The following ANKRD36B variants were observed in gnomAD, a reference collection of about 807,000 sequenced individuals.
ANKRD36B encodes ankyrin repeat domain-containing protein 36B.
A neutral mutation model predicts 135.7 loss-of-function variants in ANKRD36B; 37 were observed. The observed-to-expected ratio is 0.27, with a 90% CI of 0.21 to 0.36. The LOEUF is 0.36. Among genes scored for constraint, ANKRD36B ranks in the 10% least tolerant of loss-of-function variants. The pLI is 1.00. For missense variants in ANKRD36B, 549 were observed against 1,037.1 expected (o/e 0.53, Z 6.46); for synonymous variants, 179 against 348.1 (o/e 0.51, Z 5.41).
In ANKRD36B at chr2:97,549,425, T is replaced by A; in HGVS notation, c.1471A>T (p.Arg491Trp). ...AATCTGTTTTCAAAATTACCTGTCCTAGATTTTTCTCCATCCTTTTTTTCT... is the reference window on the plus strand; with the variant it reads ...AATCTGTTTTCAAAATTACCTGTCCAAGATTTTTCTCCATCCTTTTTTTCT... ...AREKKDGEKS[R>W]TVSFEQPPGL... Residue 491 changes from arginine to tryptophan, a missense_variant, in exon 20 of 44, where the codon AGG becomes TGG. Physicochemically the swap from Arg to Trp is moderately radical, Grantham distance 101. Coordinates refer to ENST00000359901, the MANE Select transcript of ANKRD36B (RefSeq NM_001393939.1). 6.4e-7 allele frequency: 1 copy of A among 1,563,540 alleles called. No individual in the cohort carries two copies. Among genetic ancestry groups the A allele is most frequent in the Non-Finnish European group, 8.7e-7 (1 of 1,154,526 alleles).
At chr2:97,578,871 T>A in intron 5 of ANKRD36B, 35 bp downstream of exon 5, 1 of 1,598,178 alleles carries the variant, frequency 6.3e-7, no homozygotes, top group Non-Finnish European at 8.5e-7. Flanking sequence ...AAACTTCAAT[T>A]TAGTGTTCAT....
chr2:97,580,087 C>T (rs1201836809), intron 4 of ANKRD36B, among the ~76,000 whole-genome samples: 2 of 152,214 alleles, frequency 1.3e-5, no homozygotes, highest in Non-Finnish European at 2.9e-5. Context: ...AAATGAAAAA[C>T]TAACATGAAA....
At chr2:97,573,097 TG>T (rs1317528884) in intron 6 of ANKRD36B, among the ~76,000 whole-genome samples, 3 of 151,938 alleles carry the variant, frequency 2.0e-5, no homozygotes, top group Admixed American at 2.0e-4. Flanking sequence ...CGGTGGGTGA[TG>T]TTCCCCTTCC....
At chr2:97,556,341 G>A (rs970000247) in intron 12 of ANKRD36B, among the ~76,000 whole-genome samples, 4 of 151,982 alleles carry the variant, frequency 2.6e-5, no homozygotes, top group Admixed American at 2.0e-4. Context: ...AGTCATCGGA[G>A]CAGTCAGAAA....
Position 97,536,191 on chromosome 2 carries a change from C to A in ANKRD36B, c.2191+109G>T. The A allele has an allele frequency of 6.4e-6, 3 of 466,884 alleles. 1 individual carries two copies. Among genetic ancestry groups the A allele is most frequent in the Non-Finnish European group, 1.2e-5 (3 of 253,798 alleles). 28.9% of individuals were successfully genotyped at this position (466,884 alleles called of 1,614,324 possible). On this transcript the variant is annotated intron_variant, in intron 34 of 43. Transcript: ENST00000359901. ...AACAGCTGCATTATTTAGATGAAAT[C>A]CTGAAATAAAATATAAAAAGTGAAA...
chr2:97,561,613 A>G (rs1397706047), intron 6 of ANKRD36B, among the ~76,000 whole-genome samples: 12 of 151,952 alleles, frequency 7.9e-5, no homozygotes, highest in African/African-American at 2.7e-4. Flanking sequence ...AGCATTAGAT[A>G]TGAATAAGCT....
rs983181018 is a variant in ANKRD36B at position 97,523,878 on chromosome 2, G to C, written c.2266-411C>G. On this transcript the variant is annotated intron_variant, in intron 35 of 43. Transcript: ENST00000359901. ...AAATAATTGGTGAAGAGAAAAACCA[G>C]AGTAGCAGCAAGTGACCCTCTAAGT... The C allele has an allele frequency of 3.0e-5, 2 of 65,876 alleles. 1 individual carries two copies. The highest frequency in any genetic ancestry group is 8.8e-5 in the African/African-American group (2 of 22,620). 4.1% of individuals were successfully genotyped at this position (65,876 alleles called of 1,614,324 possible). A position where few individuals can be genotyped will look rare whatever the true frequency, so the allele number is the denominator to read the frequency against.
rs531743055 is a variant in ANKRD36B, at chr2:97,559,469, G to T, written c.866-475C>A. ...AATTACGATGACAATTCAGTTAAATGTACACTTCACGTCTCTTCGGTGGAA... is the reference window on the plus strand; with the variant it reads ...AATTACGATGACAATTCAGTTAAATTTACACTTCACGTCTCTTCGGTGGAA... On this transcript the variant is annotated intron_variant, in intron 8 of 43. Coordinates refer to ENST00000359901, the MANE Select transcript of ANKRD36B (RefSeq NM_001393939.1). 3.3e-5 allele frequency among the ~76,000 whole-genome samples: 5 copies of T among 151,906 alleles called. No individual in the cohort carries two copies. The South Asian group carries it at 1.0e-3, about 31-fold the overall frequency.
At chr2:97,528,443 A>G (rs1365618566) in intron 35 of ANKRD36B, among the ~76,000 whole-genome samples, 1 of 94,238 alleles carries the variant, frequency 1.1e-5, no homozygotes, top group Non-Finnish European at 2.8e-5. Flanking sequence ...TGCCCACAAG[A>G]GAAAGCAGGA....
chr2:97,549,320 A>G lies in ANKRD36B; in HGVS notation c.1477+99T>C, dbSNP rs180996758. The G allele has an allele frequency of 2.3e-5, 32 of 1,378,670 alleles. No individual in the cohort carries two copies. The East Asian group carries it at 6.5e-4, about 28-fold the overall frequency. The allele number at this position is 1,378,670 out of a possible 1,614,324, so 85.4% of individuals were successfully genotyped here. A position where few individuals can be genotyped will look rare whatever the true frequency, so the allele number is the denominator to read the frequency against. On this transcript the variant is annotated intron_variant, in intron 20 of 43. Coordinates refer to ENST00000359901, the MANE Select transcript of ANKRD36B (RefSeq NM_001393939.1). ...AAGAATCTCTGGCCTGCTGAATCAG[A>G]AAGTGCAGCTTCGACGAGCCCCCCG...
chr2:97,560,570 G>A, intron 8 of ANKRD36B, 95 bp downstream of exon 8: 1 of 1,536,790 alleles, frequency 6.5e-7, no homozygotes, highest in Non-Finnish European at 8.8e-7. Flanking sequence ...ATCAGAACGT[G>A]CAGCTTATAT....
intron 16 of ANKRD36B, 31 bp from the exon 17 acceptor site, chr2:97,551,511 A>C: frequency 6.2e-7 from 1 of 1,606,936 alleles, no homozygotes; most frequent in Non-Finnish European, 8.5e-7. Flanking sequence ...ATAATCACTC[A>C]TATGTAACTA....
intron 36 of ANKRD36B, among the ~76,000 whole-genome samples, chr2:97,516,214 AC>A (rs1281295425): frequency 3.3e-5 from 2 of 61,494 alleles, no homozygotes; most frequent in East Asian, 3.1e-4. Flanking sequence ...AAAAAAAAAA[AC>A]ATAGTTATGT....
chr2:97,582,976 A>G (rs2082722923), intron 3 of ANKRD36B, among the ~76,000 whole-genome samples: 3 of 152,100 alleles, frequency 2.0e-5, no homozygotes, highest in Admixed American at 1.3e-4. Flanking sequence ...CTATATTGTA[A>G]CCTAATTTTT....
chr2:97,530,409 A>G lies in ANKRD36B; in HGVS notation c.2265+1902T>C, dbSNP rs1369387317. Among the ~76,000 whole-genome samples the G allele has an allele frequency of 4.2e-5, 4 of 94,644 alleles. 1 individual carries two copies. The highest frequency in any genetic ancestry group is 6.4e-5 in the African/African-American group (2 of 31,138). The allele number at this position is 94,644 out of a possible 152,430, so 62.1% of individuals were successfully genotyped here. A position where few individuals can be genotyped will look rare whatever the true frequency, so the allele number is the denominator to read the frequency against. On this transcript the variant is annotated intron_variant, in intron 35 of 43. Coordinates refer to ENST00000359901, the MANE Select transcript of ANKRD36B (RefSeq NM_001393939.1). ...CACCTTATACAAAAATTAATTCAAG[A>G]TGGATTAAAGGCTTAAACGTTAGAC...
chr2:97,586,119 T>C (rs1215136460), intron 1 of ANKRD36B, among the ~76,000 whole-genome samples: 1 of 152,174 alleles, frequency 6.6e-6, no homozygotes, highest in Non-Finnish European at 1.5e-5. Context: ...GTTCTATTCA[T>C]ATAATTGGCA....
At chr2:97,537,491 A>G (rs2078947781) in intron 32 of ANKRD36B, among the ~76,000 whole-genome samples, 1 of 97,150 alleles carries the variant, frequency 1.0e-5, no homozygotes, top group South Asian at 2.3e-4. Flanking sequence ...GTCTGATACT[A>G]ATAAACATGA....
Position 97,553,677 on chromosome 2 carries a change from A to G in ANKRD36B, c.1172-306T>C, listed in dbSNP as rs576470249. Among the ~76,000 whole-genome samples the G allele has an allele frequency of 2.5e-3, 387 of 152,114 alleles. 1 individual carries two copies. The highest frequency in any genetic ancestry group is 0.01 in the Middle Eastern group (3 of 294). On this transcript the variant is annotated intron_variant, in intron 14 of 43. Coordinates refer to ENST00000359901, the MANE Select transcript of ANKRD36B (RefSeq NM_001393939.1). Reference sequence around the variant, plus strand: ...GTGATCATGACAAATGCGATCAAAAATCAGAGAGGAAACTCAATCACCTGG... The same window carrying G: ...GTGATCATGACAAATGCGATCAAAAGTCAGAGAGGAAACTCAATCACCTGG...
At chr2:97,528,651 C>T (rs554816144) in intron 35 of ANKRD36B, among the ~76,000 whole-genome samples, 2,138 of 94,350 alleles carry the variant, frequency 0.023, 812 homozygotes, top group Non-Finnish European at 0.045. Flanking sequence ...ATTGATAGAC[C>T]GCTAGCAAGA....
Sources: allele counts gnomAD v4.1 joint callset (sites outside exome capture counted in the v4.1 genomes callset), GRCh38; gene constraint gnomAD v4.1.1; transcripts MANE v1.5; gene names NCBI Gene and HGNC (gene_info 2026-07-23, HGNC 2026-07-21).